The following C12orf42 variants were observed in gnomAD, a reference collection of about 807,000 sequenced individuals.
C12orf42 encodes the protein uncharacterized protein C12orf42.
Under a neutral mutation model 21.6 loss-of-function variants are expected in C12orf42, and 25 were observed. That is an observed-to-expected ratio of 1.16 (90% CI 0.84 to 1.62). The LOEUF (loss-of-function observed/expected upper bound fraction) is 1.62. Ranked by LOEUF, C12orf42 falls within the 40% of genes most tolerant of loss-of-function variation. The pLI is 0.00. For missense variants in C12orf42, 483 were observed against 459.3 expected (o/e 1.05, Z -0.47); for synonymous variants, 174 against 175.0 (o/e 0.99, Z 0.05).
At chr12:103,238,683 G>A (rs1224407815) in intron 10 of C12orf42, among the ~76,000 whole-genome samples, 1 of 152,200 alleles carries the variant, frequency 6.6e-6, no homozygotes, top group Non-Finnish European at 1.5e-5. Flanking sequence ...GAGAGATTAT[G>A]CCCTTGATCT....
the C12orf42 span, among the ~76,000 whole-genome samples, chr12:103,561,139 C>A: frequency 4.6e-5 from 7 of 152,148 alleles, no homozygotes; most frequent in East Asian, 1.9e-4. Flanking sequence ...GCTAATGTGA[C>A]TTCAGACCCC....
chr12:103,277,604 A>T (rs1039846219), intron 4 of C12orf42, among the ~76,000 whole-genome samples: 2 of 151,032 alleles, frequency 1.3e-5, no homozygotes, highest in African/African-American at 2.4e-5. Context: ...GATGGGCACA[A>T]TTTTCTTTTT....
At chr12:103,525,213 C>T in the C12orf42 span, among the ~76,000 whole-genome samples, 6 of 151,772 alleles carry the variant, frequency 4.0e-5, no homozygotes, top group East Asian at 1.9e-4. Context: ...AGAGATTGGG[C>T]GGGGGGAAGT....
the C12orf42 span, among the ~76,000 whole-genome samples, chr12:103,158,876 A>G: frequency 2.6e-5 from 2 of 76,366 alleles, no homozygotes; most frequent in African/African-American, 1.1e-4. Flanking sequence ...CAAGACTCAA[A>G]AAAAAAAAAA....
At chr12:103,097,553 G>GA in the C12orf42 span, among the ~76,000 whole-genome samples, 10 of 152,160 alleles carry the variant, frequency 6.6e-5, no homozygotes, top group Non-Finnish European at 1.2e-4. Context: ...AGAAAATATA[G>GA]AAAAATGCCT....
At chr12:103,496,716 C>T (rs1955559200), upstream of C12orf42, among the ~76,000 whole-genome samples, 1 of 151,616 alleles carries the variant, frequency 6.6e-6, no homozygotes, top group South Asian at 2.1e-4. Flanking sequence ...TCTGCAGAAT[C>T]ACAGGACCAA....
At chr12:103,180,290 T>A in the C12orf42 span, among the ~76,000 whole-genome samples, 7 of 151,984 alleles carry the variant, frequency 4.6e-5, no homozygotes, top group Non-Finnish European at 1.0e-4. Context: ...GGGAGAAAAT[T>A]AGGTGGCAAG....
At chr12:103,251,827 C>G (rs1222312332) in intron 10 of C12orf42, among the ~76,000 whole-genome samples, 1 of 152,108 alleles carries the variant, frequency 6.6e-6, no homozygotes, top group East Asian at 1.9e-4. Flanking sequence ...AGATCAGACA[C>G]TATATATAAG....
chr12:103,051,792 C>G, the C12orf42 span, among the ~76,000 whole-genome samples: 1,658 of 152,286 alleles, frequency 0.011, 31 homozygotes, highest in African/African-American at 0.038. Flanking sequence ...CTCTGCCAGT[C>G]TGTCTTGCTC....
intron 3 of C12orf42, among the ~76,000 whole-genome samples, chr12:103,375,279 T>G (rs1278405321): frequency 6.6e-6 from 1 of 152,222 alleles, no homozygotes; most frequent in East Asian, 1.9e-4. Context: ...AATTTAAATC[T>G]TTTTAGAAAA....
chr12:103,248,760 C>G (rs1173028663), intron 10 of C12orf42, among the ~76,000 whole-genome samples: 2 of 151,928 alleles, frequency 1.3e-5, no homozygotes, highest in African/African-American at 4.8e-5. Flanking sequence ...CACTTGACCT[C>G]TTTGTGTCTT....
intron 9 of C12orf42, chr12:103,263,384 AG>A (rs2035006912): frequency 6.6e-6 from 1 of 152,302 alleles, no homozygotes; most frequent in South Asian, 2.1e-4. Flanking sequence ...ACAAAAAAAA[AG>A]TTTGATTTCA....
intron 3 of C12orf42, among the ~76,000 whole-genome samples, chr12:103,392,193 G>A (rs945607303): frequency 6.6e-6 from 1 of 152,064 alleles, no homozygotes; most frequent in Admixed American, 6.6e-5. Context: ...ATGCCTATCT[G>A]TATGCCAGTA....
chr12:103,320,868 T>A (rs567331182), intron 4 of C12orf42, among the ~76,000 whole-genome samples: 86 of 152,308 alleles, frequency 5.6e-4, no homozygotes, highest in Non-Finnish European at 8.8e-5. Context: ...ACATTGTAAC[T>A]GAATGTCTTA....
intron 3 of C12orf42, among the ~76,000 whole-genome samples, chr12:103,376,522 A>C (rs2045711390): frequency 6.6e-6 from 1 of 152,178 alleles, no homozygotes; most frequent in African/African-American, 2.4e-5. Flanking sequence ...ATGTATACCT[A>C]TGTAACAAAC....
chr12:103,203,279 A>T, the C12orf42 span, among the ~76,000 whole-genome samples: 1 of 152,134 alleles, frequency 6.6e-6, no homozygotes, highest in Non-Finnish European at 1.5e-5. Flanking sequence ...CAATCCCGTG[A>T]TTTCATAGGG....
At chr12:103,407,548 T>C (rs2048514695) in intron 2 of C12orf42, among the ~76,000 whole-genome samples, 1 of 152,138 alleles carries the variant, frequency 6.6e-6, no homozygotes, top group South Asian at 2.1e-4. Context: ...ACATCTTTTC[T>C]CTATCTTACT....
chr12:103,302,419 G>A lies in C12orf42; in HGVS notation c.772C>T (p.Pro258Ser), dbSNP rs1000069312. The A allele has an allele frequency of 6.2e-7, 1 of 1,613,894 alleles. No homozygotes were observed. The highest frequency in any genetic ancestry group is 8.5e-7 in the Non-Finnish European group (1 of 1,179,856). Residue 258 changes from proline (P) to serine (S), a missense_variant, in exon 6 of 6, where the codon CCC becomes TCC. By Grantham distance (74) the Pro-to-Ser change is moderately conservative. Coordinates refer to ENST00000548883, the MANE Select transcript of C12orf42 (RefSeq NM_198521.5). Reference sequence around the variant, plus strand: ...AGGAGTCTGCTTTGGATGTCGTCGGGGTGTGCCTGAGCGCCTGCTGGGACT... The same window carrying A: ...AGGAGTCTGCTTTGGATGTCGTCGGAGTGTGCCTGAGCGCCTGCTGGGACT... ...MAVPAGAQAH[P>S]DDIQSRLLGA...
At chr12:103,295,812 G>A (rs533866597) in intron 4 of C12orf42, among the ~76,000 whole-genome samples, 54 of 151,698 alleles carry the variant, frequency 3.6e-4, no homozygotes, top group African/African-American at 8.7e-4. Context: ...AGCAAATTTC[G>A]TCCCCAAGTT....
Sources: gnomAD v4.1 joint callset for allele counts (sites outside exome capture counted in the v4.1 genomes callset) on GRCh38, gnomAD v4.1.1 for gene constraint, MANE v1.5 for transcripts, NCBI Gene and HGNC (gene_info 2026-07-23, HGNC 2026-07-21) for gene names.